The following PPP2R2C variants were observed in gnomAD, a reference collection of about 807,000 sequenced individuals.
The protein encoded by PPP2R2C is protein phosphatase 2 regulatory subunit Bgamma.
PPP2R2C carries 10 observed loss-of-function variants against 45.3 expected under a neutral mutation model. The ratio of observed to expected loss-of-function variants is 0.22; its 90% CI spans 0.14 to 0.37. The LOEUF is 0.37. Ranked by LOEUF, PPP2R2C falls within the 10% of genes least tolerant of loss-of-function variation. PPP2R2C has a pLI of 1.00. For synonymous variants in PPP2R2C, 257 were observed against 245.4 expected (o/e 1.05, Z -0.44); for missense variants, 308 against 619.7 (o/e 0.50, Z 5.34).
intron 5 of PPP2R2C, among the ~76,000 whole-genome samples, chr4:6,351,585 C>G (rs1415937716): frequency 1.3e-5 from 2 of 152,206 alleles, no homozygotes; most frequent in African/African-American, 2.4e-5. Context: ...TGCTCTTTCT[C>G]TCTGTCTTCG....
intron 1 of PPP2R2C, among the ~76,000 whole-genome samples, chr4:6,469,114 T>G (rs942499220): frequency 1.4e-5 from 2 of 143,216 alleles, no homozygotes; most frequent in Admixed American, 6.9e-5. Flanking sequence ...AAATCCAACC[T>G]GCTCTGACGA....
intron 1 of PPP2R2C, among the ~76,000 whole-genome samples, chr4:6,407,442 C>CTGGA (rs1717872886): frequency 6.6e-6 from 1 of 152,240 alleles, no homozygotes; most frequent in Non-Finnish European, 1.5e-5. Flanking sequence ...GCTGCCCAGG[C>CTGGA]TGGAGTGCGG....
intron 2 of PPP2R2C, among the ~76,000 whole-genome samples, chr4:6,514,661 G>A (rs1221469111): frequency 6.6e-6 from 1 of 152,210 alleles, no homozygotes; most frequent in African/African-American, 2.4e-5. Flanking sequence ...ATTAGTGCAG[G>A]ACAAGCACAG....
chr4:6,323,602 A>G lies in PPP2R2C; in HGVS notation c.1053-9T>C. 2 of 1,541,700 alleles carry G rather than the reference A, an allele frequency of 1.3e-6. No homozygotes were observed. The highest frequency in any genetic ancestry group is 1.2e-5 in the South Asian group (1 of 80,010). ...CCCCGGTCATGATGACGCTGGTGGG[A>G]GAAGGAGAGGCATCAGGTGAGGAGG... On this transcript the variant is annotated splice_polypyrimidine_tract_variant and intron_variant, in intron 8 of 8. Coordinates refer to ENST00000382599, the MANE Select transcript of PPP2R2C (RefSeq NM_020416.4).
chr4:6,394,647 G>A (rs1577142837), intron 1 of PPP2R2C, among the ~76,000 whole-genome samples: 1 of 152,220 alleles, frequency 6.6e-6, no homozygotes, highest in Non-Finnish European at 1.5e-5. Context: ...CCCAGGATGG[G>A]GGGCATGGAG....
At chr4:6,341,338 CAA>C (rs10604483) in intron 6 of PPP2R2C, among the ~76,000 whole-genome samples, 27,098 of 90,890 alleles carry the variant, frequency 0.3, 2,618 homozygotes, top group African/African-American at 0.31. Flanking sequence ...GACTCCATTT[CAA>C]AAAAAAAAAA....
At chr4:6,348,071 G>T in intron 5 of PPP2R2C, 61 bp from the exon 6 acceptor site, 1 of 1,577,128 alleles carries the variant, frequency 6.3e-7, no homozygotes, top group Non-Finnish European at 8.7e-7. Flanking sequence ...CCGCCTTCCC[G>T]GAGGTTTCTG....
intron 2 of PPP2R2C, 71 bp downstream of exon 2, chr4:6,380,926 C>T: frequency 6.9e-7 from 1 of 1,453,086 alleles, no homozygotes; most frequent in East Asian, 2.5e-5. Context: ...TATCCCCTCC[C>T]ACCATGCCCG....
At position 6,337,521 on chromosome 4, in the gene PPP2R2C, C is replaced by T. The variant is rs987368955; in HGVS notation, c.791-3790G>A. Among the ~76,000 whole-genome samples the T allele has an allele frequency of 1.4e-4, 22 of 152,110 alleles. 1 individual carries two copies. The highest frequency in any genetic ancestry group is 1.0e-4 in the Non-Finnish European group (7 of 68,020). On this transcript the variant is annotated intron_variant, in intron 6 of 8. Transcript: ENST00000382599. ...AAAACTGAGCCAGGGCGGCCTCTCA[C>T]AGGCTGACTTCCGGAGTGGCCTTAG...
At chr4:6,410,821 AGGG>A (rs1718120520) in intron 1 of PPP2R2C, among the ~76,000 whole-genome samples, 2 of 151,838 alleles carry the variant, frequency 1.3e-5, no homozygotes, top group Admixed American at 6.6e-5. Flanking sequence ...CCTATGGAGT[AGGG>A]ACTACTATTC....
At chr4:6,355,885 T>C (rs1713131878) in intron 5 of PPP2R2C, among the ~76,000 whole-genome samples, 1 of 150,624 alleles carries the variant, frequency 6.6e-6, no homozygotes, top group Non-Finnish European at 1.5e-5. Flanking sequence ...TCCCAGCTAC[T>C]CAGGAGGCTG....
At chr4:6,524,158 G>A (rs1577238598) in intron 2 of PPP2R2C, among the ~76,000 whole-genome samples, 1 of 152,176 alleles carries the variant, frequency 6.6e-6, no homozygotes, top group East Asian at 1.9e-4. Context: ...CTGACCTCAA[G>A]TGATCAGCCT....
chr4:6,448,545 G>C (rs1349924097), intron 1 of PPP2R2C, among the ~76,000 whole-genome samples: 1 of 151,994 alleles, frequency 6.6e-6, no homozygotes, highest in African/African-American at 2.4e-5. Context: ...CTGGCCGAGG[G>C]GTGAGGAGGC....
At chr4:6,417,115 T>C (rs1718643308) in intron 1 of PPP2R2C, among the ~76,000 whole-genome samples, 1 of 152,180 alleles carries the variant, frequency 6.6e-6, no homozygotes, top group Non-Finnish European at 1.5e-5. Context: ...TGAGGTTCCG[T>C]GTCTCTCTTT....
At chr4:6,346,964 C>T (rs1712016483) in intron 6 of PPP2R2C, among the ~76,000 whole-genome samples, 1 of 152,204 alleles carries the variant, frequency 6.6e-6, no homozygotes, top group South Asian at 2.1e-4. Context: ...CTGGGGGACA[C>T]CCCACCTCCT....
chr4:6,436,585 G>A (rs138628608), intron 1 of PPP2R2C, among the ~76,000 whole-genome samples: 43 of 152,330 alleles, frequency 2.8e-4, no homozygotes, highest in African/African-American at 7.5e-4. Context: ...TGAGCCAGGC[G>A]TCAAACCCTG....
At position 6,437,459 on chromosome 4, in the gene PPP2R2C, C is replaced by T. The variant is rs148143000; in HGVS notation, c.70+34701G>A. 4.1e-3 allele frequency among the ~76,000 whole-genome samples: 623 copies of T among 152,248 alleles called. 3 individuals are homozygous for T. The highest frequency in any genetic ancestry group is 0.014 in the African/African-American group (586 of 41,542). On this transcript the variant is annotated intron_variant, in intron 1 of 8. Transcript: ENST00000382599. ...AAAGATGGGGGAACTACAGCCAGAG[C>T]GGGGAGTGGCTTGTCCAGAATTAAG...
Position 6,529,234 on chromosome 4 carries a change from C to T in PPP2R2C, c.49+6037G>A, listed in dbSNP as rs1246568061. Among the ~76,000 whole-genome samples the T allele has an allele frequency of 3.3e-5, 5 of 152,218 alleles. No individual in the cohort carries two copies. In the East Asian group the frequency reaches 5.8e-4, roughly 18 times the overall value. On this transcript the variant is annotated intron_variant, in intron 2 of 9. Transcript: ENST00000506140. ...CAGCAAAGGCTCACGGTCAAGGAAG[C>T]GACGCAGGAGCTCCCACTTCAGGCT...
At chr4:6,511,750 GCAA>G (rs1464923118) in intron 2 of PPP2R2C, among the ~76,000 whole-genome samples, 1 of 34,710 alleles carries the variant, frequency 2.9e-5, no homozygotes, top group African/African-American at 8.9e-5. Flanking sequence ...GGTGGTGATG[GCAA>G]TGGTGGTGGT....
Sources: allele counts gnomAD v4.1 joint callset (sites outside exome capture counted in the v4.1 genomes callset), GRCh38; gene constraint gnomAD v4.1.1; transcripts MANE v1.5; gene names NCBI Gene and HGNC (gene_info 2026-07-23, HGNC 2026-07-21).